Variants in ATP1B1 observed in about 807,000 individuals in gnomAD.
ATP1B1 encodes sodium/potassium-transporting ATPase subunit beta-1.
Under a neutral mutation model 39.6 loss-of-function variants are expected in ATP1B1, and 3 were observed. That is an observed-to-expected ratio of 0.08 (90% CI 0.03 to 0.20). The LOEUF (loss-of-function observed/expected upper bound fraction) is 0.20. ATP1B1 is among the 10% of genes least tolerant of loss of function. The pLI is 1.00. For synonymous variants in ATP1B1, 139 were observed against 135.0 expected, an observed-to-expected ratio of 1.03 and a Z score of -0.20; for missense variants, 216 against 371.1, an observed-to-expected ratio of 0.58 and a Z score of 3.43.
intron 1 of ATP1B1, chr1:169,108,226 G>A (rs74395446): frequency 6.6e-6 from 1 of 152,262 alleles, no homozygotes; most frequent in African/African-American, 2.4e-5. Flanking sequence ...CCTGAGCCAT[G>A]GAAAATGTAG....
chr1:169,122,234 C>T (rs1201312057), intron 2 of ATP1B1, among the ~76,000 whole-genome samples: 1 of 152,132 alleles, frequency 6.6e-6, no homozygotes, highest in Admixed American at 6.5e-5. Context: ...TCTCTTGACT[C>T]CAGGATTCTC....
intron 3 of ATP1B1, among the ~76,000 whole-genome samples, chr1:169,126,008 ATC>A: frequency 6.6e-6 from 1 of 152,214 alleles, no homozygotes; most frequent in Middle Eastern, 3.4e-3. Context: ...AACATAAAAC[ATC>A]TCTCTGAGTT....
At chr1:169,116,409 A>G (rs1657848562) in intron 2 of ATP1B1, among the ~76,000 whole-genome samples, 1 of 152,194 alleles carries the variant, frequency 6.6e-6, no homozygotes, top group Non-Finnish European at 1.5e-5. Context: ...CAGTGCTAGC[A>G]GACACATTTT....
chr1:169,110,607 C>T (rs1295249978), intron 1 of ATP1B1: 18 of 1,199,374 alleles, frequency 1.5e-5, no homozygotes, highest in Non-Finnish European at 1.7e-5. Context: ...CTATTTCAGC[C>T]TCCATCCTGT....
intron 2 of ATP1B1, 21 bp from the exon 3 acceptor site, chr1:169,124,861 GTT>G: frequency 1.2e-6 from 2 of 1,606,228 alleles, no homozygotes; most frequent in Non-Finnish European, 1.7e-6. Context: ...TCCTACTAAT[GTT>G]TTTCTCTCTG....
chr1:169,108,390 A>AC (rs931189898), intron 1 of ATP1B1, among the ~76,000 whole-genome samples: 7 of 152,226 alleles, frequency 4.6e-5, no homozygotes, highest in African/African-American at 1.7e-4. Flanking sequence ...TGTAGAATGA[A>AC]CAGCTCCCTG....
chr1:169,125,224 A>G (rs920936371), intron 3 of ATP1B1, among the ~76,000 whole-genome samples, 185 bp downstream of exon 3: 3 of 152,208 alleles, frequency 2.0e-5, no homozygotes, highest in Admixed American at 2.0e-4. Flanking sequence ...GTACAGCCTC[A>G]AGTATGACTG....
intron 4 of ATP1B1, among the ~76,000 whole-genome samples, chr1:169,128,205 CT>C (rs567802534): frequency 3.3e-5 from 5 of 152,134 alleles, no homozygotes; most frequent in Admixed American, 6.5e-5. Context: ...AGGTTTCCCC[CT>C]AATCACCCGT....
chr1:169,116,861 A>C (rs1269875957), intron 2 of ATP1B1, among the ~76,000 whole-genome samples: 5 of 152,018 alleles, frequency 3.3e-5, no homozygotes, highest in Non-Finnish European at 7.4e-5. Flanking sequence ...AAAAAAAAAA[A>C]AACCAAAAAC....
Position 169,124,865 on chromosome 1 carries a change from TTC to T in ATP1B1, c.227-13_227-12del, listed in dbSNP as rs1323506872. Reference sequence around the variant, plus strand: ...CGTTTCTGCCTTCCTACTAATGTTTTTCTCTCTGCCTGGTCTAGGATTAACAC... The same window carrying T: ...CGTTTCTGCCTTCCTACTAATGTTTTTCTCTGCCTGGTCTAGGATTAACAC... On this transcript the variant is annotated splice_polypyrimidine_tract_variant and intron_variant, in intron 2 of 5. Coordinates refer to ENST00000367815, the MANE Select transcript of ATP1B1 (RefSeq NM_001677.4). 1 of 1,607,834 alleles carries T rather than the reference TTC, an allele frequency of 6.2e-7. No individual in the cohort carries two copies. The highest frequency in any genetic ancestry group is 1.7e-5 in the Admixed American group (1 of 58,250).
At chr1:169,125,202 C>G (rs965615019) in intron 3 of ATP1B1, among the ~76,000 whole-genome samples, 163 bp downstream of exon 3, 16 of 152,060 alleles carry the variant, frequency 1.1e-4, no homozygotes, top group African/African-American at 3.9e-4. Context: ...CAGGAAGACA[C>G]AATGAAAAAC....
chr1:169,128,074 T>C (rs2101792775), intron 4 of ATP1B1, among the ~76,000 whole-genome samples: 1 of 152,308 alleles, frequency 6.6e-6, no homozygotes, highest in East Asian at 1.9e-4. Flanking sequence ...TGAGATTATA[T>C]TCTCCATAAG....
At chr1:169,109,157 T>G (rs1407346792) in intron 1 of ATP1B1, among the ~76,000 whole-genome samples, 1 of 152,226 alleles carries the variant, frequency 6.6e-6, no homozygotes, top group East Asian at 1.9e-4. Context: ...ATACAGACAT[T>G]GGTAGGTTTT....
In ATP1B1 at chr1:169,132,152, G is replaced by A; in HGVS notation, c.*597G>A. The A allele has an allele frequency of 1.6e-6, 1 of 622,912 alleles. No individual in the cohort carries two copies. The highest frequency in any genetic ancestry group is 3.1e-6 in the Non-Finnish European group (1 of 326,610). The allele number at this position is 622,912 out of a possible 1,614,324, so 38.6% of individuals were successfully genotyped here. ...ATTTTTATTTTTTTCCTGGGGGCTG[G>A]GGTGGGGGTTTGTCATGGGGGAACT... On this transcript the variant is annotated 3_prime_UTR_variant, in exon 6 of 6. Transcript: ENST00000367815.
intron 2 of ATP1B1, among the ~76,000 whole-genome samples, chr1:169,116,811 A>G (rs994846054): frequency 1.3e-5 from 2 of 151,972 alleles, no homozygotes; most frequent in African/African-American, 4.8e-5. Context: ...AGATCGTGCC[A>G]CTGCACTCCA....
chr1:169,117,064 T>C (rs1035559188), intron 2 of ATP1B1, among the ~76,000 whole-genome samples: 3 of 152,182 alleles, frequency 2.0e-5, no homozygotes, highest in Admixed American at 6.5e-5. Context: ...TTAGAAACAT[T>C]TGGCTTCCTT....
chr1:169,106,999 C>A, intron 1 of ATP1B1, 73 bp downstream of exon 1: 5 of 1,425,126 alleles, frequency 3.5e-6, no homozygotes, highest in Admixed American at 2.2e-5. Context: ...TGCGCAGGGT[C>A]CGCGGCCGGT....
At position 169,131,254 on chromosome 1, in the gene ATP1B1, T is replaced by G. The variant is rs1658213855; in HGVS notation, c.649-38T>G. 4 of 1,603,202 alleles carry G rather than the reference T, an allele frequency of 2.5e-6. No homozygotes were observed. Among genetic ancestry groups the G allele is most frequent in the Non-Finnish European group, 3.4e-6 (4 of 1,174,284 alleles). On this transcript the variant is annotated intron_variant, in intron 5 of 5. Coordinates refer to ENST00000367815, the MANE Select transcript of ATP1B1 (RefSeq NM_001677.4). This position sits in a 1 kb window ranked among gnomAD's most constrained non-coding sequence, Gnocchi z 4.4. ...TTTGAGTACACATAGTGATGCATGA[T>G]GTGAGCCATTAAAATTTCATTTCAT...
chr1:169,123,199 G>A (rs1222010035), intron 2 of ATP1B1, among the ~76,000 whole-genome samples: 2 of 152,190 alleles, frequency 1.3e-5, no homozygotes, highest in Non-Finnish European at 1.5e-5. Flanking sequence ...CTGAGTCACT[G>A]TTGCCACTCT....
Sources: gnomAD v4.1 joint callset for allele counts (sites outside exome capture counted in the v4.1 genomes callset) on GRCh38, gnomAD v4.1.1 for gene constraint, Gnocchi (gnomAD v3.1) non-coding constraint, MANE v1.5 for transcripts, NCBI Gene and HGNC (gene_info 2026-07-23, HGNC 2026-07-21) for gene names.